The following TEX14 variants were observed in gnomAD, a reference collection of about 807,000 sequenced individuals.
TEX14 encodes inactive serine/threonine-protein kinase TEX14.
In TEX14, 168 loss-of-function variants were observed where a neutral mutation model predicts 178.6. The observed-to-expected ratio is 0.94, with a 90% CI of 0.83 to 1.07. The LOEUF (loss-of-function observed/expected upper bound fraction) is 1.07, where lower values mean the gene tolerates loss of function less well. TEX14 is among the 50% of genes least tolerant of loss of function. The pLI is 0.00. For synonymous variants in TEX14, 626 were observed against 634.1 expected, an observed-to-expected ratio of 0.99 and a Z score of 0.19; for missense variants, 1,730 against 1,753.6, an observed-to-expected ratio of 0.99 and a Z score of 0.24.
intron 8 of TEX14, 67 bp from the exon 9 acceptor site, chr17:58,613,611 G>C (rs1010099376): frequency 4.6e-5 from 71 of 1,534,684 alleles, no homozygotes; most frequent in Non-Finnish European, 6.3e-5. Context: ...ATGAGCGTAG[G>C]CCTTTTGAAC....
chr17:58,656,944 A>AAAAAAG (rs1567761785), intron 1 of TEX14, among the ~76,000 whole-genome samples: 9 of 128,606 alleles, frequency 7.0e-5, no homozygotes, highest in African/African-American at 1.3e-4. Flanking sequence ...AAAAAAAAAA[A>AAAAAAG]AAAAAGAAAA....
intron 8 of TEX14, among the ~76,000 whole-genome samples, chr17:58,614,656 T>A (rs559790257): frequency 4.7e-4 from 72 of 152,360 alleles, no homozygotes; most frequent in African/African-American, 1.6e-3. Context: ...CCTCTCTACA[T>A]GCCTCCTGCA....
At chr17:58,584,375 G>T in intron 19 of TEX14, 125 bp downstream of exon 19, 1 of 654,980 alleles carries the variant, frequency 1.5e-6, no homozygotes, top group Non-Finnish European at 2.7e-6. Flanking sequence ...TGACATGAAG[G>T]CACATGCTCC....
chr17:58,615,333 A>G lies in TEX14; in HGVS notation c.780T>C (p.Asn260=), dbSNP rs1484589134. ...GCTCTTTCACTGTGACCCTGCTCCCATTCCACACTAGGCTACAAGGACAGG... is the reference window on the plus strand; with the variant it reads ...GCTCTTTCACTGTGACCCTGCTCCCGTTCCACACTAGGCTACAAGGACAGG... ...PYMVMTNLVW[N]GSRVTVKELN... Residue 260 remains asparagine (N), a synonymous_variant, in exon 8 of 32, where the codon AAT becomes AAC. Transcript: ENST00000349033. 2 of 1,604,654 alleles carry G rather than the reference A, an allele frequency of 1.2e-6. No individual in the cohort carries two copies. Among genetic ancestry groups the G allele is most frequent in the South Asian group, 1.1e-5 (1 of 90,850 alleles).
chr17:58,631,986 T>C (rs756626508), intron 2 of TEX14: 2 of 152,236 alleles, frequency 1.3e-5, no homozygotes, highest in Non-Finnish European at 2.9e-5. Context: ...CGAAAAAGCA[T>C]TTAAAATAAG....
Position 58,670,771 on chromosome 17 carries a change from T to TCAAAAAAAAAAAAAAAAAAAAAAAAAAA in TEX14, c.-1-18770_-1-18769insTTTTTTTTTTTTTTTTTTTTTTTTTTTG, listed in dbSNP as rs1598432610. Reference sequence around the variant, plus strand: ...CTGGGCGACAGAGTGAGACTCCCTCTTAAAAAAAAAAAAAAAAAAAAAAAA... The same window carrying TCAAAAAAAAAAAAAAAAAAAAAAAAAAA: ...CTGGGCGACAGAGTGAGACTCCCTCTCAAAAAAAAAAAAAAAAAAAAAAAAAAATAAAAAAAAAAAAAAAAAAAAAAAA... On this transcript the variant is annotated intron_variant, in intron 1 of 31. Transcript: ENST00000349033. 2.5e-4 allele frequency among the ~76,000 whole-genome samples: 2 copies of TCAAAAAAAAAAAAAAAAAAAAAAAAAAA among 7,956 alleles called. 1 individual carries two copies. The highest frequency in any genetic ancestry group is 4.2e-3 in the Admixed American group (2 of 474). The allele number at this position is 7,956 out of a possible 152,430, so 5.2% of individuals were successfully genotyped here.
At position 58,604,992 on chromosome 17, in the gene TEX14, T is replaced by C. The variant is rs147954433; in HGVS notation, c.1322A>G (p.Gln441Arg). 280 of 1,614,082 alleles carry C rather than the reference T, an allele frequency of 1.7e-4. 1 individual carries two copies. The highest frequency in any genetic ancestry group is 2.3e-4 in the Non-Finnish European group (273 of 1,180,030). ...TCTTGATCTACCTGTTAAAATCTCC[T>C]GCATGATCATAGAAAAGCTGTAGAT... ...SDIYSFSMIM[Q>R]EILTDDIPWK... The change falls in exon 11 of 32, where the codon CAG becomes CGG. Residue 441 changes from glutamine (Q) to arginine (R), a missense_variant. Around this residue, in one of 2 missense-constraint regions of TEX14, gnomAD observed 789 missense variants for 681.2 expected, o/e 1.16. Transcript: ENST00000349033.
At chr17:58,658,387 CTTTTTT>C (rs34857563) in intron 1 of TEX14, among the ~76,000 whole-genome samples, 21 of 95,014 alleles carry the variant, frequency 2.2e-4, no homozygotes, top group Non-Finnish European at 3.6e-4. Context: ...TGTGCACCGG[CTTTTTT>C]TTTTTTTTTT....
At chr17:58,686,091 C>CTGTAATCCCAG (rs1250262221) in intron 1 of TEX14, among the ~76,000 whole-genome samples, 1 of 151,862 alleles carries the variant, frequency 6.6e-6, no homozygotes, top group African/African-American at 2.4e-5. Context: ...TGGCTCGCAC[C>CTGTAATCCCAG]TGTAATCCCA....
chr17:58,671,743 GT>G (rs1486033544), intron 1 of TEX14, among the ~76,000 whole-genome samples: 2 of 152,022 alleles, frequency 1.3e-5, no homozygotes, highest in Non-Finnish European at 2.9e-5. Flanking sequence ...TTAAAAACTC[GT>G]TTTCTTGTTC....
chr17:58,586,494 T>G (rs1020039111), intron 17 of TEX14, among the ~76,000 whole-genome samples: 1 of 152,236 alleles, frequency 6.6e-6, no homozygotes, highest in Non-Finnish European at 1.5e-5. Context: ...CATACATATA[T>G]GCATGTTTTC....
intron 2 of TEX14, among the ~76,000 whole-genome samples, chr17:58,632,486 C>T (rs1485610067): frequency 1.3e-5 from 2 of 152,202 alleles, no homozygotes; most frequent in Non-Finnish European, 1.5e-5. Context: ...GCCGTCACAC[C>T]CGGCCATTGC....
chr17:58,611,685 C>T (rs997624543), intron 9 of TEX14, among the ~76,000 whole-genome samples: 3 of 152,232 alleles, frequency 2.0e-5, no homozygotes, highest in Admixed American at 6.5e-5. Context: ...GCCCTGTCGC[C>T]TCCCTGTCCA....
At chr17:58,615,083 C>T in intron 8 of TEX14, 149 bp downstream of exon 8, 1 of 559,032 alleles carries the variant, frequency 1.8e-6, no homozygotes, top group Non-Finnish European at 3.2e-6. Context: ...GGCAGCCCTT[C>T]GAAGTCAAGT....
intron 26 of TEX14, among the ~76,000 whole-genome samples, chr17:58,568,497 C>T (rs1233839197): frequency 6.6e-6 from 1 of 152,208 alleles, no homozygotes; most frequent in African/African-American, 2.4e-5. Context: ...TATCCAGAGT[C>T]TGATGAGATG....
chr17:58,612,493 A>T (rs923211313), intron 9 of TEX14, among the ~76,000 whole-genome samples: 1 of 151,048 alleles, frequency 6.6e-6, no homozygotes, highest in African/African-American at 2.4e-5. Flanking sequence ...CCAGCACTTT[A>T]GGAGGCTGAG....
At chr17:58,639,501 G>A (rs1178112415) in intron 2 of TEX14, among the ~76,000 whole-genome samples, 1 of 151,930 alleles carries the variant, frequency 6.6e-6, no homozygotes, top group Non-Finnish European at 1.5e-5. Flanking sequence ...AGGAGTTCAA[G>A]ACTAGCCTGA....
intron 27 of TEX14, among the ~76,000 whole-genome samples, chr17:58,565,250 A>C (rs2044373753): frequency 6.6e-6 from 1 of 152,220 alleles, no homozygotes; most frequent in Admixed American, 6.5e-5. Flanking sequence ...AGCTGAAGAA[A>C]GAAAGGGCAC....
intron 1 of TEX14, among the ~76,000 whole-genome samples, chr17:58,658,844 T>C (rs1034062296): frequency 1.3e-5 from 2 of 152,026 alleles, no homozygotes; most frequent in African/African-American, 4.8e-5. Context: ...TCTCTATCGC[T>C]CAGACAGGAG....
Sources: gnomAD v4.1 joint callset for allele counts (sites outside exome capture counted in the v4.1 genomes callset) on GRCh38, gnomAD v4.1.1 for gene constraint, gnomAD v4.1.1 regional missense constraint, MANE v1.5 for transcripts, NCBI Gene and HGNC (gene_info 2026-07-23, HGNC 2026-07-21) for gene names.